EFNA5: variants seen among roughly 807,000 people sequenced by gnomAD.
EFNA5 encodes ephrin A5.
In EFNA5, 5 loss-of-function variants were observed where a neutral mutation model predicts 22.9. The ratio of observed to expected loss-of-function variants is 0.22; its 90% CI spans 0.11 to 0.46. The LOEUF (loss-of-function observed/expected upper bound fraction) is 0.46, where lower values mean the gene tolerates loss of function less well. Among genes scored for constraint, EFNA5 ranks in the 20% least tolerant of loss-of-function variants. The pLI is 0.99. For missense variants in EFNA5, 237 were observed against 293.3 expected (o/e 0.81, Z 1.40); for synonymous variants, 113 against 112.2 (o/e 1.01, Z -0.04).
Position 107,379,064 on chromosome 5 carries a change from G to C in EFNA5, c.*2191C>G, listed in dbSNP as rs557170632. On this transcript the variant is annotated 3_prime_UTR_variant, in exon 5 of 5. Transcript: ENST00000333274. ...TAAATAGCTAAAGGAAAAAGGAATT[G>C]AATGCCGTGAACTTTTGTTTTGGTG... 20 of 152,244 alleles carry C rather than the reference G, an allele frequency of 1.3e-4. No individual in the cohort carries two copies. Among genetic ancestry groups the C allele is most frequent in the African/African-American group, 4.8e-4 (20 of 41,532 alleles). 9.4% of individuals were successfully genotyped at this position (152,244 alleles called of 1,614,324 possible). A position where few individuals can be genotyped will look rare whatever the true frequency, so the allele number is the denominator to read the frequency against.
intron 2 of EFNA5, among the ~76,000 whole-genome samples, chr5:107,400,034 T>C (rs1247520973): frequency 6.6e-6 from 1 of 152,210 alleles, no homozygotes; most frequent in East Asian, 1.9e-4. Flanking sequence ...TAAAGGTTCA[T>C]CATATTTTAA....
At chr5:107,460,349 T>C (rs556535624) in intron 1 of EFNA5, among the ~76,000 whole-genome samples, 1 of 152,138 alleles carries the variant, frequency 6.6e-6, no homozygotes, top group South Asian at 2.1e-4. Context: ...CTGCTCCATG[T>C]CTTCTATTAT....
intron 1 of EFNA5, among the ~76,000 whole-genome samples, chr5:107,666,752 T>G (rs190552213): frequency 1.1e-4 from 16 of 152,266 alleles, no homozygotes; most frequent in Middle Eastern, 3.4e-3. Context: ...TTAATTACCC[T>G]AATATCATTT....
At chr5:107,531,072 G>A (rs926764534) in intron 1 of EFNA5, among the ~76,000 whole-genome samples, 5 of 152,132 alleles carry the variant, frequency 3.3e-5, no homozygotes, top group Non-Finnish European at 5.9e-5. Flanking sequence ...GCCCTTTAAC[G>A]AAGATGTTTT....
chr5:107,484,250 G>C (rs1269606655), intron 1 of EFNA5, among the ~76,000 whole-genome samples: 1 of 152,110 alleles, frequency 6.6e-6, no homozygotes, highest in African/African-American at 2.4e-5. Context: ...TAATGGTTTC[G>C]AGTCTTCTGA....
At chr5:107,602,092 A>G (rs980306285) in intron 1 of EFNA5, among the ~76,000 whole-genome samples, 4 of 152,214 alleles carry the variant, frequency 2.6e-5, no homozygotes, top group African/African-American at 9.6e-5. Flanking sequence ...CAGAGGAGGC[A>G]AAGAAGGAAT....
intron 2 of EFNA5, among the ~76,000 whole-genome samples, chr5:107,413,994 C>T (rs1259792384): frequency 1.3e-5 from 2 of 152,138 alleles, no homozygotes; most frequent in Non-Finnish European, 2.9e-5. Context: ...TTGACATGAC[C>T]CTTCCATTTA....
chr5:107,614,161 G>C (rs1749870693), intron 1 of EFNA5, among the ~76,000 whole-genome samples: 1 of 152,022 alleles, frequency 6.6e-6, no homozygotes, highest in South Asian at 2.1e-4. Flanking sequence ...TCATTACACG[G>C]ATAATACTTC....
At chr5:107,439,280 A>C (rs1344225626) in intron 1 of EFNA5, among the ~76,000 whole-genome samples, 1 of 152,108 alleles carries the variant, frequency 6.6e-6, no homozygotes, top group Non-Finnish European at 1.5e-5. Flanking sequence ...AGAGCCCCCC[A>C]CCGGAAATCA....
intron 1 of EFNA5, among the ~76,000 whole-genome samples, chr5:107,546,212 T>C (rs945206440): frequency 6.6e-6 from 1 of 152,160 alleles, no homozygotes; most frequent in African/African-American, 2.4e-5. Flanking sequence ...TCTCAAAAGA[T>C]AACACAATTT....
At chr5:107,516,921 C>A (rs867033568) in intron 1 of EFNA5, among the ~76,000 whole-genome samples, 6 of 152,024 alleles carry the variant, frequency 3.9e-5, no homozygotes, top group African/African-American at 7.2e-5. Flanking sequence ...TCCATTTGTA[C>A]AAAATGTCCC....
chr5:107,462,912 C>T (rs1050558749), intron 1 of EFNA5, among the ~76,000 whole-genome samples: 1 of 152,138 alleles, frequency 6.6e-6, no homozygotes, highest in Admixed American at 6.6e-5. Flanking sequence ...AAATACCACA[C>T]AGTGATTTGT....
At chr5:107,408,890 TTAAAGAG>T (rs1210336775) in intron 2 of EFNA5, among the ~76,000 whole-genome samples, 2 of 145,250 alleles carry the variant, frequency 1.4e-5, no homozygotes, top group Non-Finnish European at 3.0e-5. Context: ...GCCTTACACT[TTAAAGAG>T]TAAAATACAA....
chr5:107,555,021 C>T (rs1233520183), intron 1 of EFNA5, among the ~76,000 whole-genome samples: 1 of 152,196 alleles, frequency 6.6e-6, no homozygotes, highest in Non-Finnish European at 1.5e-5. Flanking sequence ...CGATCTGGAG[C>T]TGTGCCTCAG....
At chr5:107,566,433 G>A (rs960840619) in intron 1 of EFNA5, among the ~76,000 whole-genome samples, 2 of 152,132 alleles carry the variant, frequency 1.3e-5, no homozygotes, top group Non-Finnish European at 2.9e-5. Flanking sequence ...AAAGGAAAAG[G>A]CTGTGTCAGT....
At chr5:107,649,671 T>C (rs1315997871) in intron 1 of EFNA5, among the ~76,000 whole-genome samples, 1 of 152,202 alleles carries the variant, frequency 6.6e-6, no homozygotes, top group Non-Finnish European at 1.5e-5. Flanking sequence ...AGTTAGACTA[T>C]GCTCTCTCTT....
At chr5:107,648,119 T>G (rs889888952) in intron 1 of EFNA5, among the ~76,000 whole-genome samples, 1 of 152,190 alleles carries the variant, frequency 6.6e-6, no homozygotes, top group Non-Finnish European at 1.5e-5. Flanking sequence ...CAAAGAGAAC[T>G]GGCATCTTGG....
chr5:107,665,688 T>C (rs946656212), intron 1 of EFNA5, among the ~76,000 whole-genome samples: 3 of 152,218 alleles, frequency 2.0e-5, no homozygotes, highest in African/African-American at 7.2e-5. Flanking sequence ...GTATTTCTGA[T>C]AGTTTATTGT....
intron 1 of EFNA5, among the ~76,000 whole-genome samples, chr5:107,652,852 A>G (rs1429845373): frequency 6.6e-6 from 1 of 152,166 alleles, no homozygotes; most frequent in Non-Finnish European, 1.5e-5. Context: ...ACTTTAAACA[A>G]GGGAATCTGT....
Sources: gnomAD v4.1 joint callset for allele counts (sites outside exome capture counted in the v4.1 genomes callset) on GRCh38, gnomAD v4.1.1 for gene constraint, MANE v1.5 for transcripts, NCBI Gene and HGNC (gene_info 2026-07-23, HGNC 2026-07-21) for gene names.